The following KIAA1328 variants were observed in gnomAD, a reference collection of about 807,000 sequenced individuals.
KIAA1328 encodes the protein KIAA1328, also known as protein hinderin.
Under a neutral mutation model 68.1 loss-of-function variants are expected in KIAA1328, and 52 were observed. That is an observed-to-expected ratio of 0.76 (90% CI 0.61 to 0.96). The LOEUF is 0.96. KIAA1328 is among the 40% of genes least tolerant of loss of function. The pLI, the probability that KIAA1328 is intolerant of heterozygous loss-of-function variation, is 0.00. For synonymous variants in KIAA1328, 232 were observed against 239.4 expected (o/e 0.97, Z 0.28); for missense variants, 641 against 677.6 (o/e 0.95, Z 0.60).
At chr18:37,045,210 C>T (rs1286921451) in intron 6 of KIAA1328, among the ~76,000 whole-genome samples, 3 of 152,098 alleles carry the variant, frequency 2.0e-5, no homozygotes, top group South Asian at 4.1e-4. Context: ...TTTAATCCAA[C>T]GTGTAGCCTT....
chr18:37,123,695 C>T (rs1179950672), intron 7 of KIAA1328, among the ~76,000 whole-genome samples: 1 of 152,038 alleles, frequency 6.6e-6, no homozygotes, highest in Non-Finnish European at 1.5e-5. Flanking sequence ...GGTTAGGCAT[C>T]AAAGAGACTG....
intron 5 of KIAA1328, 48 bp downstream of exon 5, chr18:36,885,720 T>C (rs1401248681): frequency 1.6e-6 from 2 of 1,270,942 alleles, no homozygotes; most frequent in Non-Finnish European, 2.2e-6. Flanking sequence ...AGTTTGACTA[T>C]TTCTTTTTTT....
intron 6 of KIAA1328, among the ~76,000 whole-genome samples, chr18:36,973,277 G>T (rs372739548): frequency 1.3e-5 from 2 of 151,534 alleles, no homozygotes. Flanking sequence ...TGAACAATGA[G>T]AACACATGGA....
In KIAA1328 at chr18:37,038,202, G is replaced by A. The variant is rs868141381; in HGVS notation, c.577-28688G>A. Among the ~76,000 whole-genome samples the A allele has an allele frequency of 3.1e-4, 47 of 152,148 alleles. 1 individual carries two copies. Among genetic ancestry groups the A allele is most frequent in the African/African-American group, 1.1e-3 (44 of 41,540 alleles). The stretch of plus-strand genomic sequence containing the variant: ...TTGGCACAGCTGCTGGCATTTACCT[G>A]TGCAAGCTTTTAGCTTGCTTATCTA... On this transcript the variant is annotated intron_variant, in intron 6 of 9. Coordinates refer to ENST00000280020, the MANE Select transcript of KIAA1328 (RefSeq NM_020776.3).
intron 6 of KIAA1328, among the ~76,000 whole-genome samples, chr18:36,995,231 G>A (rs1210134471): frequency 6.6e-6 from 1 of 152,112 alleles, no homozygotes; most frequent in Admixed American, 6.6e-5. Flanking sequence ...TCTTGTGATA[G>A]TTTGCTGAGA....
At chr18:36,848,329 A>T (rs1465849666) in intron 4 of KIAA1328, among the ~76,000 whole-genome samples, 1 of 151,450 alleles carries the variant, frequency 6.6e-6, no homozygotes, top group Non-Finnish European at 1.5e-5. Context: ...AAGTGGTGTT[A>T]TTAGAAATTT....
At chr18:37,192,751 C>T (rs2059930174) in intron 9 of KIAA1328, among the ~76,000 whole-genome samples, 1 of 152,142 alleles carries the variant, frequency 6.6e-6, no homozygotes, top group Admixed American at 6.5e-5. Flanking sequence ...TTCCATAGAA[C>T]ATCTTATATT....
chr18:37,152,784 AAGAGAGTCCTCAGTAAGGCTTCCCT>A (rs1161411751), intron 7 of KIAA1328, among the ~76,000 whole-genome samples: 17 of 152,206 alleles, frequency 1.1e-4, no homozygotes, highest in African/African-American at 4.1e-4. Context: ...TAGAGAGGGT[AAGAGAGTCCTCAGTAAGGCTTCCCT>A]TTTAACAAAA....
chr18:37,062,881 G>A (rs750921813), intron 6 of KIAA1328, among the ~76,000 whole-genome samples: 12 of 152,114 alleles, frequency 7.9e-5, no homozygotes, highest in African/African-American at 2.2e-4. Context: ...TTATAGTGCC[G>A]TGTAACAGAT....
chr18:36,885,439 G>T (rs929061089), intron 4 of KIAA1328, 118 bp from the exon 5 acceptor site: 2 of 548,186 alleles, frequency 3.6e-6, no homozygotes, highest in African/African-American at 4.0e-5. Flanking sequence ...ACAGAACAGA[G>T]TGTTCCTGAA....
chr18:37,158,735 C>T (rs2154211098), intron 7 of KIAA1328, among the ~76,000 whole-genome samples: 1 of 152,150 alleles, frequency 6.6e-6, no homozygotes, highest in Admixed American at 6.5e-5. Context: ...AATAAAGGTA[C>T]AGAAAAGCTT....
At chr18:37,110,546 C>T (rs773624850) in intron 7 of KIAA1328, among the ~76,000 whole-genome samples, 6 of 152,136 alleles carry the variant, frequency 3.9e-5, no homozygotes, top group Non-Finnish European at 8.8e-5. Context: ...ATAACTATAG[C>T]TTCCATTTGC....
chr18:36,896,770 TTAG>T (rs1397822101), intron 5 of KIAA1328, among the ~76,000 whole-genome samples: 1 of 152,148 alleles, frequency 6.6e-6, no homozygotes, highest in Admixed American at 6.6e-5. Flanking sequence ...AGGGTATTAT[TTAG>T]GATTATTGTT....
At chr18:37,204,914 T>A (rs148540386) in intron 9 of KIAA1328, among the ~76,000 whole-genome samples, 1 of 152,162 alleles carries the variant, frequency 6.6e-6, no homozygotes, top group East Asian at 1.9e-4. Context: ...TAAAATCTCT[T>A]TATCAGAATT....
chr18:37,160,787 T>C (rs2059262976), intron 8 of KIAA1328, among the ~76,000 whole-genome samples: 1 of 152,210 alleles, frequency 6.6e-6, no homozygotes, highest in South Asian at 2.1e-4. Flanking sequence ...GGAGAGGTCA[T>C]GGACAATTCC....
Position 36,887,400 on chromosome 18 carries a change from G to T in KIAA1328, c.448+1728G>T, listed in dbSNP as rs146134630. On this transcript the variant is annotated intron_variant, in intron 5 of 9. Transcript: ENST00000280020. ...TTTCTCACATAACAAGTACTCTGGAGATTATGGAGATTCAGTGGTTTAACA... is the reference window on the plus strand; with the variant it reads ...TTTCTCACATAACAAGTACTCTGGATATTATGGAGATTCAGTGGTTTAACA... Among the ~76,000 whole-genome samples, 1,157 of 152,078 alleles carry T rather than the reference G, an allele frequency of 7.6e-3. 17 individuals are homozygous for T. Among genetic ancestry groups the T allele is most frequent in the Non-Finnish European group, 9.0e-3 (614 of 67,990 alleles).
intron 5 of KIAA1328, among the ~76,000 whole-genome samples, chr18:36,922,261 A>G (rs187521288): frequency 8.5e-5 from 13 of 152,216 alleles, no homozygotes; most frequent in Admixed American, 7.2e-4. Context: ...TGACCACACA[A>G]TTCTTAAGTA....
intron 6 of KIAA1328, among the ~76,000 whole-genome samples, chr18:36,971,442 C>T (rs1317812381): frequency 1.3e-5 from 2 of 152,036 alleles, no homozygotes; most frequent in African/African-American, 4.8e-5. Context: ...CCAGCCTGAC[C>T]AACATGGTGA....
chr18:37,008,078 C>A (rs2151479131), intron 6 of KIAA1328, among the ~76,000 whole-genome samples: 1 of 152,274 alleles, frequency 6.6e-6, no homozygotes, highest in Admixed American at 6.5e-5. Context: ...AGTTTGGGGG[C>A]AGTTTCCAAG....
Sources: gnomAD v4.1 joint callset for allele counts (sites outside exome capture counted in the v4.1 genomes callset) on GRCh38, gnomAD v4.1.1 for gene constraint, MANE v1.5 for transcripts, NCBI Gene and HGNC (gene_info 2026-07-23, HGNC 2026-07-21) for gene names.